Variants in FAF1 observed in about 807,000 individuals in gnomAD.
FAF1 encodes Fas associated factor 1, also known as FAS-associated factor 1.
Under a neutral mutation model 92.5 loss-of-function variants are expected in FAF1, and 25 were observed. That is an observed-to-expected ratio of 0.27 (90% confidence interval 0.20 to 0.38). The LOEUF is 0.38. Ranked by LOEUF, FAF1 falls within the 10% of genes least tolerant of loss-of-function variation. FAF1 has a pLI of 1.00. For missense variants in FAF1, 636 were observed against 793.3 expected (o/e 0.80, Z 2.38); for synonymous variants, 234 against 273.2 (o/e 0.86, Z 1.42).
At chr1:50,922,811 T>A (rs1570144694) in intron 1 of FAF1, among the ~76,000 whole-genome samples, 5 of 91,028 alleles carry the variant, frequency 5.5e-5, no homozygotes, top group South Asian at 3.6e-4. Context: ...AGTGCGAGAA[T>A]CCACCACAAA....
chr1:50,926,173 C>A (rs12095997), intron 1 of FAF1, among the ~76,000 whole-genome samples: 1 of 152,022 alleles, frequency 6.6e-6, no homozygotes, highest in African/African-American at 2.4e-5. Context: ...CATATGATCA[C>A]ACTACTGCAC....
chr1:50,846,355 G>A (rs536649482), intron 2 of FAF1: 6 of 288,206 alleles, frequency 2.1e-5, no homozygotes, highest in South Asian at 1.2e-4. Flanking sequence ...TGCTTTTGCC[G>A]CCCAGGAGAC....
chr1:50,759,188 T>A (rs1309752137), intron 4 of FAF1, among the ~76,000 whole-genome samples: 1 of 152,034 alleles, frequency 6.6e-6, no homozygotes, highest in Non-Finnish European at 1.5e-5. Flanking sequence ...TTAGGGTACA[T>A]GTGCACAATG....
At chr1:50,861,672 T>C (rs1431795672) in intron 1 of FAF1, among the ~76,000 whole-genome samples, 1 of 151,752 alleles carries the variant, frequency 6.6e-6, no homozygotes, top group Non-Finnish European at 1.5e-5. Flanking sequence ...CCATGTAACA[T>C]AACTGCACTT....
intron 8 of FAF1, among the ~76,000 whole-genome samples, chr1:50,619,909 C>CTTT (rs869279028): frequency 5.7e-5 from 8 of 140,276 alleles, no homozygotes; most frequent in Admixed American, 1.4e-4. Context: ...CTCTCTCTCT[C>CTTT]TTTTTTTTTT....
chr1:50,899,474 T>C (rs531428191), intron 1 of FAF1, among the ~76,000 whole-genome samples: 202 of 152,224 alleles, frequency 1.3e-3, no homozygotes, highest in African/African-American at 4.7e-3. Context: ...TTCCTTTAAA[T>C]ATATATATTT....
intron 3 of FAF1, among the ~76,000 whole-genome samples, chr1:50,791,859 T>C (rs912806971): frequency 6.6e-6 from 1 of 152,224 alleles, no homozygotes; most frequent in East Asian, 1.9e-4. Flanking sequence ...ATTTTCCTGA[T>C]TGGATCCTGA....
At chr1:50,888,448 A>T (rs925206364) in intron 1 of FAF1, among the ~76,000 whole-genome samples, 18 of 152,206 alleles carry the variant, frequency 1.2e-4, no homozygotes, top group African/African-American at 3.6e-4. Context: ...ATCCCTGTCT[A>T]GTGCCAGTTT....
chr1:50,674,453 C>T (rs918881431), intron 7 of FAF1, among the ~76,000 whole-genome samples: 1 of 152,180 alleles, frequency 6.6e-6, no homozygotes, highest in African/African-American at 2.4e-5. Context: ...TCCTAAATTA[C>T]TGTCAGGTAC....
intron 9 of FAF1, among the ~76,000 whole-genome samples, chr1:50,590,682 G>A (rs1651459292): frequency 6.6e-6 from 1 of 152,072 alleles, no homozygotes; most frequent in Admixed American, 6.5e-5. Context: ...AATAGAAATG[G>A]TGAAAGGGGT....
At chr1:50,922,096 G>A (rs1284067236) in intron 1 of FAF1, among the ~76,000 whole-genome samples, 2 of 150,472 alleles carry the variant, frequency 1.3e-5, no homozygotes, top group Non-Finnish European at 3.0e-5. Flanking sequence ...GAACCCGGGA[G>A]GCAGAGGTTG....
In FAF1 at chr1:50,893,217, G is replaced by A. The variant is rs745826723; in HGVS notation, c.46-35220C>T. On this transcript the variant is annotated intron_variant, in intron 1 of 18. Transcript: ENST00000396153. ...CATTTAACTCATTTGGTGAAGTCAC[G>A]TTTTCCTGGATAATCTTGATGCTTA... 1.3e-5 allele frequency among the ~76,000 whole-genome samples: 2 copies of A among 152,190 alleles called. 1 individual carries two copies. Among genetic ancestry groups the A allele is most frequent in the African/African-American group, 4.8e-5 (2 of 41,526 alleles).
chr1:50,636,965 A>C (rs1654043688), intron 8 of FAF1, among the ~76,000 whole-genome samples: 1 of 152,106 alleles, frequency 6.6e-6, no homozygotes, highest in Non-Finnish European at 1.5e-5. Context: ...CCACCGCATT[A>C]CTTTGTTATC....
At chr1:50,447,131 T>C (rs1646237322) in intron 18 of FAF1, among the ~76,000 whole-genome samples, 1 of 144,538 alleles carries the variant, frequency 6.9e-6, no homozygotes, top group African/African-American at 2.6e-5. Flanking sequence ...CTTTTTTTTT[T>C]TTTTTTTTTT....
At chr1:50,798,134 T>A (rs1023986982) in intron 3 of FAF1, among the ~76,000 whole-genome samples, 3 of 152,078 alleles carry the variant, frequency 2.0e-5, no homozygotes, top group Admixed American at 6.5e-5. Context: ...TCAGATTTTT[T>A]AAATGGAAAT....
intron 1 of FAF1, among the ~76,000 whole-genome samples, chr1:50,958,392 A>G (rs1017846642): frequency 5.9e-5 from 9 of 152,094 alleles, no homozygotes; most frequent in Non-Finnish European, 1.0e-4. Context: ...TGTAAAAATA[A>G]GGGCCGGGAG....
chr1:50,591,342 G>C (rs913119372), intron 9 of FAF1, among the ~76,000 whole-genome samples: 3 of 152,088 alleles, frequency 2.0e-5, no homozygotes, highest in Non-Finnish European at 4.4e-5. Context: ...TCACTAAACT[G>C]TGTATTTGTG....
At chr1:50,442,701 T>C (rs1646184027) in intron 18 of FAF1, among the ~76,000 whole-genome samples, 1 of 152,090 alleles carries the variant, frequency 6.6e-6, no homozygotes, top group Non-Finnish European at 1.5e-5. Context: ...TCTGGTGTCT[T>C]CTTCCATGGA....
intron 1 of FAF1, among the ~76,000 whole-genome samples, chr1:50,910,374 C>T (rs1367330463): frequency 6.6e-6 from 1 of 152,184 alleles, no homozygotes; most frequent in African/African-American, 2.4e-5. Context: ...TCTCAGATCT[C>T]AAACTCTGTG....
Sources: allele counts gnomAD v4.1 joint callset (sites outside exome capture counted in the v4.1 genomes callset), GRCh38; gene constraint gnomAD v4.1.1; transcripts MANE v1.5; gene names NCBI Gene and HGNC (gene_info 2026-07-23, HGNC 2026-07-21).